Variants in AHCY observed in about 807,000 individuals in gnomAD.
The protein encoded by AHCY is adenosylhomocysteinase.
Under a neutral mutation model 45.4 loss-of-function variants are expected in AHCY, and 24 were observed. The observed-to-expected ratio is 0.53, with a 90% CI of 0.38 to 0.74. The LOEUF (loss-of-function observed/expected upper bound fraction) is 0.74. AHCY is among the 30% of genes least tolerant of loss of function. AHCY has a pLI of 0.00. For synonymous variants in AHCY, 245 were observed against 235.1 expected (o/e 1.04, Z -0.39); for missense variants, 449 against 594.1 (o/e 0.76, Z 2.54).
chr20:34,246,215 G>T, the AHCY span: 1 of 1,463,040 alleles, frequency 6.8e-7, no homozygotes, highest in Middle Eastern at 1.8e-4. Context: ...TTGTGGTATG[G>T]TCTTCTTTTT....
the AHCY span, among the ~76,000 whole-genome samples, chr20:34,249,816 AC>A: frequency 1.3e-5 from 2 of 152,206 alleles, no homozygotes; most frequent in African/African-American, 4.8e-5. Flanking sequence ...GGGCCAGAGA[AC>A]CCATTATGGA....
chr20:34,288,189 C>T (rs1179804213), intron 8 of AHCY, among the ~76,000 whole-genome samples: 3 of 63,002 alleles, frequency 4.8e-5, no homozygotes, highest in Non-Finnish European at 2.1e-4. Flanking sequence ...GAGCAGAGCA[C>T]CCAAGAGGAG....
the AHCY span, among the ~76,000 whole-genome samples, chr20:34,253,371 G>C: frequency 6.6e-6 from 1 of 151,742 alleles, no homozygotes; most frequent in African/African-American, 2.4e-5. Flanking sequence ...CTCCCAAAGT[G>C]CTGGGATTAC....
chr20:34,266,772 G>T, the AHCY span, among the ~76,000 whole-genome samples: 1 of 152,178 alleles, frequency 6.6e-6, no homozygotes. Context: ...AGTTGAAAAA[G>T]ATTGAAAAAA....
chr20:34,298,535 G>C (rs986987593), intron 1 of AHCY, among the ~76,000 whole-genome samples: 1 of 151,108 alleles, frequency 6.6e-6, no homozygotes, highest in Non-Finnish European at 1.5e-5. Flanking sequence ...CAGGCGGATC[G>C]TGGTCCAGCG....
Position 34,290,969 on chromosome 20 carries a change from G to GGGCA in AHCY, c.559-35_559-32dup. The GGGCA allele has an allele frequency of 1.9e-6, 3 of 1,609,222 alleles. No homozygotes were observed. The highest frequency in any genetic ancestry group is 2.6e-6 in the Non-Finnish European group (3 of 1,175,964). ...AGGAAAGGGGGTAAGGAGACAATAG[G>GGGCA]GGCAGGCAAGGCCCTGGGGCCAGGA... On this transcript the variant is annotated intron_variant, in intron 5 of 9. Coordinates refer to ENST00000217426, the MANE Select transcript of AHCY (RefSeq NM_000687.4). The surrounding 1 kb of genome is among the most constrained non-coding windows in gnomAD (Gnocchi z 4.5).
At chr20:34,245,062 A>C in the AHCY span, among the ~76,000 whole-genome samples, 1 of 152,144 alleles carries the variant, frequency 6.6e-6, no homozygotes, top group East Asian at 1.9e-4. Context: ...CAGGCCGGGC[A>C]CAGTGGCTCA....
chr20:34,246,842 A>C, the AHCY span, among the ~76,000 whole-genome samples: 22 of 151,716 alleles, frequency 1.5e-4, no homozygotes, highest in African/African-American at 3.1e-4. Context: ...TCTTCTATTT[A>C]TTTCTTTTCC....
At chr20:34,263,800 C>T in the AHCY span, among the ~76,000 whole-genome samples, 1 of 151,658 alleles carries the variant, frequency 6.6e-6, no homozygotes, top group Non-Finnish European at 1.5e-5. Context: ...TCCCGAGTAG[C>T]TGGAATTACA....
At position 34,290,434 on chromosome 20, in the gene AHCY, C is replaced by T. The variant is rs1472774074; in HGVS notation, c.870G>A (p.Met290Ile). 36 of 1,614,260 alleles carry T rather than the reference C, an allele frequency of 2.2e-5. No homozygotes were observed. Among genetic ancestry groups the T allele is most frequent in the Non-Finnish European group, 3.0e-5 (35 of 1,180,054 alleles). Reference sequence around the variant, plus strand: ...TGTTACACACAATGGCATCATCCTTCATCTGCTCAAAGTGCCTGTCAGGCA... The same window carrying T: ...TGTTACACACAATGGCATCATCCTTTATCTGCTCAAAGTGCCTGTCAGGCA... Reference protein sequence around the residue: ...DIILGRHFEQMKDDAIVCNIG... With the variant: ...DIILGRHFEQIKDDAIVCNIG... Residue 290 changes from methionine (M) to isoleucine (I), a missense_variant, in exon 8 of 10, where the codon ATG (methionine) becomes ATA (isoleucine). By Grantham distance (10) the Met-to-Ile change is conservative. Transcript: ENST00000217426. This position sits in a 1 kb window ranked among gnomAD's most constrained non-coding sequence, Gnocchi z 4.5.
intron 1 of AHCY, among the ~76,000 whole-genome samples, chr20:34,301,326 C>T (rs1403129258): frequency 2.0e-5 from 3 of 152,138 alleles, no homozygotes; most frequent in Non-Finnish European, 2.9e-5. Flanking sequence ...AAAATAACTC[C>T]TTCAGTGCCC....
chr20:34,257,973 G>A, the AHCY span, among the ~76,000 whole-genome samples: 1 of 152,008 alleles, frequency 6.6e-6, no homozygotes, highest in Non-Finnish European at 1.5e-5. Flanking sequence ...GTGAAACCTT[G>A]TCTCTACAAA....
intron 4 of AHCY, among the ~76,000 whole-genome samples, chr20:34,291,765 T>C (rs898479313): frequency 6.6e-6 from 1 of 152,186 alleles, no homozygotes; most frequent in East Asian, 1.9e-4. Context: ...AGCTTCTCTA[T>C]TCTCACTGCC....
intron 9 of AHCY, among the ~76,000 whole-genome samples, chr20:34,284,062 C>T (rs538699278): frequency 2.6e-4 from 40 of 152,316 alleles, no homozygotes; most frequent in African/African-American, 9.6e-4. Flanking sequence ...GAAGGGTGGA[C>T]TGCATGGGGT....
At chr20:34,241,378 T>C in the AHCY span, 1 of 869,528 alleles carries the variant, frequency 1.2e-6, no homozygotes, top group African/African-American at 1.8e-5. Flanking sequence ...GTAGTATGAT[T>C]GGTTGTTTTC....
chr20:34,291,090 C>G, intron 5 of AHCY, 152 bp from the exon 6 acceptor site: 1 of 728,278 alleles, frequency 1.4e-6, no homozygotes, highest in Non-Finnish European at 2.3e-6. Flanking sequence ...AATGCCCCCA[C>G]AAGCCCTTCA....
the AHCY span, among the ~76,000 whole-genome samples, chr20:34,258,252 A>C: frequency 2.0e-5 from 3 of 152,038 alleles, no homozygotes; most frequent in African/African-American, 7.2e-5. Context: ...CATGATTCTT[A>C]CAATCTAGAC....
At chr20:34,269,687 G>A in the AHCY span, among the ~76,000 whole-genome samples, 7 of 151,754 alleles carry the variant, frequency 4.6e-5, no homozygotes, top group Admixed American at 2.0e-4. Flanking sequence ...GCTCACGCCT[G>A]TAATCCCAGC....
At chr20:34,240,500 C>CT in the AHCY span, among the ~76,000 whole-genome samples, 1 of 152,156 alleles carries the variant, frequency 6.6e-6, no homozygotes, top group Non-Finnish European at 1.5e-5. Context: ...GTTTTTGAGT[C>CT]TGTGTAAGTA....
Sources: allele counts gnomAD v4.1 joint callset (sites outside exome capture counted in the v4.1 genomes callset), GRCh38; gene constraint gnomAD v4.1.1; non-coding constraint Gnocchi (gnomAD v3.1); transcripts MANE v1.5; gene names NCBI Gene and HGNC (gene_info 2026-07-23, HGNC 2026-07-21).